Variants in L2HGDH observed in about 807,000 individuals in gnomAD.
The protein encoded by L2HGDH is L-2-hydroxyglutarate dehydrogenase, also known as L-2-hydroxyglutarate dehydrogenase, mitochondrial.
A neutral mutation model predicts 51.5 loss-of-function variants in L2HGDH; 34 were observed. That is an observed-to-expected ratio of 0.66 (90% CI 0.50 to 0.88). The LOEUF (loss-of-function observed/expected upper bound fraction) is 0.88, where lower values mean the gene tolerates loss of function less well. L2HGDH is among the 40% of genes least tolerant of loss of function. The pLI, the probability that L2HGDH is intolerant of heterozygous loss-of-function variation, is 0.00. For missense variants in L2HGDH, 558 were observed against 571.9 expected (o/e 0.98, Z 0.25); for synonymous variants, 198 against 197.9 (o/e 1.00, Z -0.01).
intron 6 of L2HGDH, among the ~76,000 whole-genome samples, chr14:50,271,793 C>G (rs572589256): frequency 1.3e-5 from 2 of 152,284 alleles, no homozygotes; most frequent in African/African-American, 4.8e-5. Flanking sequence ...TCCCCCCTCC[C>G]CATATCCAAT....
At chr14:50,278,086 C>A (rs1336670995) in intron 6 of L2HGDH, among the ~76,000 whole-genome samples, 1 of 152,166 alleles carries the variant, frequency 6.6e-6, no homozygotes, top group Non-Finnish European at 1.5e-5. Context: ...ATGCAGCGAA[C>A]CTACAGGGAA....
intron 9 of L2HGDH, among the ~76,000 whole-genome samples, chr14:50,248,638 A>C (rs1273661059): frequency 6.6e-6 from 1 of 152,234 alleles, no homozygotes; most frequent in Non-Finnish European, 1.5e-5. Flanking sequence ...TTGTATGATA[A>C]AGATAAGTGA....
intron 3 of L2HGDH, among the ~76,000 whole-genome samples, chr14:50,296,893 G>A (rs1175014708): frequency 6.6e-6 from 1 of 152,068 alleles, no homozygotes; most frequent in Admixed American, 6.6e-5. Context: ...TAAACTGAAT[G>A]CAGCAACATA....
At chr14:50,279,556 T>G (rs1890146309) in intron 5 of L2HGDH, among the ~76,000 whole-genome samples, 1 of 152,104 alleles carries the variant, frequency 6.6e-6, no homozygotes. Flanking sequence ...ATTTGCATTT[T>G]GGGCCAAGCA....
intron 3 of L2HGDH, among the ~76,000 whole-genome samples, chr14:50,299,686 G>A (rs181130823): frequency 2.6e-5 from 4 of 152,248 alleles, no homozygotes; most frequent in Admixed American, 6.5e-5. Flanking sequence ...AATCAATCAA[G>A]GTGACACATC....
At position 50,242,818 on chromosome 14, in the gene L2HGDH, A is replaced by AT; in HGVS notation, c.*4239_*4240insA. ...TCTTTAGATAATAGTGTATGCGCAGAAAGATGAGGAAACCTCTGACCAAGA... is the reference window on the plus strand; with the variant it reads ...TCTTTAGATAATAGTGTATGCGCAGATAAGATGAGGAAACCTCTGACCAAGA... On this transcript the variant is annotated 3_prime_UTR_variant, in exon 10 of 10. Coordinates refer to ENST00000267436, the MANE Select transcript of L2HGDH (RefSeq NM_024884.3). 2 of 985,446 alleles carry AT rather than the reference A, an allele frequency of 2.0e-6. No individual in the cohort carries two copies. Among genetic ancestry groups the AT allele is most frequent in the Non-Finnish European group, 2.4e-6 (2 of 829,928 alleles). The allele number at this position is 985,446 out of a possible 1,614,324, so 61.0% of individuals were successfully genotyped here.
intron 1 of L2HGDH, among the ~76,000 whole-genome samples, chr14:50,303,439 C>A (rs965346349): frequency 2.1e-5 from 3 of 143,460 alleles, no homozygotes; most frequent in African/African-American, 7.9e-5. Context: ...GGGCCCTGTG[C>A]TGTTTGGTTT....
At position 50,247,224 on chromosome 14, in the gene L2HGDH, A is replaced by G. The variant is rs1298001858; in HGVS notation, c.1226T>C (p.Leu409Pro). Reference protein sequence around the residue: ...RGPAGVRAQALDRDGNLVEDF... With the variant: ...RGPAGVRAQAPDRDGNLVEDF... ...TTCTACCAGATTTCCATCTCTATCC[A>G]GGGCCTGGGCTCTTACTCCAGCTGG... The change falls in exon 10 of 10, where the codon CTG becomes CCG. Residue 409 changes from leucine to proline, a missense_variant. By Grantham distance (98) the Leu-to-Pro change is moderately conservative (BLOSUM62 -3). Around this residue, in one of 3 missense-constraint regions of L2HGDH, gnomAD observed 321 missense variants for 311.8 expected, o/e 1.03. Coordinates refer to ENST00000267436, the MANE Select transcript of L2HGDH (RefSeq NM_024884.3). 1 of 1,614,008 alleles carries G rather than the reference A, an allele frequency of 6.2e-7. No homozygotes were observed. Among genetic ancestry groups the G allele is most frequent in the African/African-American group, 1.3e-5 (1 of 75,048 alleles).
chr14:50,253,706 A>C (rs1366993600), intron 9 of L2HGDH, among the ~76,000 whole-genome samples: 1 of 152,172 alleles, frequency 6.6e-6, no homozygotes, highest in Non-Finnish European at 1.5e-5. Context: ...AAAGGAAATC[A>C]GTGTATCAAA....
At chr14:50,286,424 C>G (rs117011774) in intron 4 of L2HGDH, among the ~76,000 whole-genome samples, 1 of 152,094 alleles carries the variant, frequency 6.6e-6, no homozygotes, top group Non-Finnish European at 1.5e-5. Context: ...TTTCCAAGGG[C>G]CTCTCCCCGA....
rs1012681258 is a variant in L2HGDH at position 50,244,987 on chromosome 14, C to T, written c.*2071G>A. On this transcript the variant is annotated 3_prime_UTR_variant, in exon 10 of 10. Transcript: ENST00000267436. ...CATTTTCATTTACAATTTCTATTTT[C>T]TAACTTTCTAAATTATAAGAATAAT... 19 of 985,200 alleles carry T rather than the reference C, an allele frequency of 1.9e-5. No homozygotes were observed. The African/African-American group carries it at 3.1e-4, about 16-fold the overall frequency. 61.0% of individuals were successfully genotyped at this position (985,200 alleles called of 1,614,324 possible). A position where few individuals can be genotyped will look rare whatever the true frequency, so the allele number is the denominator to read the frequency against.
chr14:50,244,410 ATT>A lies in L2HGDH; in HGVS notation c.*2646_*2647del. Reference sequence around the variant, plus strand: ...GAGGACTGCTTCAATTAGGACAATCATTTTTTGTAATTCAATGTTTACAACTT... The same window carrying A: ...GAGGACTGCTTCAATTAGGACAATCATTTTGTAATTCAATGTTTACAACTT... On this transcript the variant is annotated 3_prime_UTR_variant, in exon 10 of 10. Coordinates refer to ENST00000267436, the MANE Select transcript of L2HGDH (RefSeq NM_024884.3). The A allele has an allele frequency of 1.0e-6, 1 of 985,364 alleles. No homozygotes were observed. Among genetic ancestry groups the A allele is most frequent in the Non-Finnish European group, 1.2e-6 (1 of 829,888 alleles). The allele number at this position is 985,364 out of a possible 1,614,324, so 61.0% of individuals were successfully genotyped here. A position where few individuals can be genotyped will look rare whatever the true frequency, so the allele number is the denominator to read the frequency against.
chr14:50,271,568 C>T (rs1441368936), intron 6 of L2HGDH, among the ~76,000 whole-genome samples: 1 of 152,108 alleles, frequency 6.6e-6, no homozygotes, highest in African/African-American at 2.4e-5. Context: ...AGGCTTGGCA[C>T]GGTGGCTCAC....
At chr14:50,280,837 C>T (rs1360268650) in intron 5 of L2HGDH, among the ~76,000 whole-genome samples, 1 of 151,662 alleles carries the variant, frequency 6.6e-6, no homozygotes, top group East Asian at 2.0e-4. Flanking sequence ...TTTTTTGAGA[C>T]AAGGTCTCAC....
chr14:50,242,856 G>A lies in L2HGDH; in HGVS notation c.*4202C>T. The A allele has an allele frequency of 3.0e-6, 3 of 985,426 alleles. No individual in the cohort carries two copies. The highest frequency in any genetic ancestry group is 3.6e-6 in the Non-Finnish European group (3 of 829,932). 61.0% of individuals were successfully genotyped at this position (985,426 alleles called of 1,614,324 possible). ...CCTCTGACCAAGAAGTCTAGACACA[G>A]ATTAAGGGCCCAGGAGGGCAGAGCC... On this transcript the variant is annotated 3_prime_UTR_variant, in exon 10 of 10. Transcript: ENST00000267436.
Position 50,244,765 on chromosome 14 carries a change from A to T in L2HGDH, c.*2293T>A, listed in dbSNP as rs1887926974. 1.0e-6 allele frequency: 1 copy of T among 985,292 alleles called. No homozygotes were observed. The highest frequency in any genetic ancestry group is 1.2e-6 in the Non-Finnish European group (1 of 829,918). The allele number at this position is 985,292 out of a possible 1,614,324, so 61.0% of individuals were successfully genotyped here. The stretch of plus-strand genomic sequence containing the variant: ...CAATGCTTGAAGTGAGGGGAAAAGG[A>T]AGAAAACAGAAACATTTTTCCTATC... On this transcript the variant is annotated 3_prime_UTR_variant, in exon 10 of 10. Coordinates refer to ENST00000267436, the MANE Select transcript of L2HGDH (RefSeq NM_024884.3).
intron 5 of L2HGDH, among the ~76,000 whole-genome samples, chr14:50,280,422 TC>T (rs1890203089): frequency 6.6e-6 from 1 of 152,158 alleles, no homozygotes; most frequent in Non-Finnish European, 1.5e-5. Flanking sequence ...TGCCTTGGCT[TC>T]CCAAAGTGTG....
At chr14:50,307,487 G>A (rs979777886) in intron 1 of L2HGDH, among the ~76,000 whole-genome samples, 1 of 152,162 alleles carries the variant, frequency 6.6e-6, no homozygotes, top group East Asian at 1.9e-4. Context: ...AGCTAACCAC[G>A]GAGGCTGAAA....
At position 50,246,876 on chromosome 14, in the gene L2HGDH, C is replaced by T; in HGVS notation, c.*182G>A. 1.8e-6 allele frequency: 2 copies of T among 1,089,494 alleles called. No individual in the cohort carries two copies. Among genetic ancestry groups the T allele is most frequent in the South Asian group, 3.5e-5 (2 of 57,590 alleles). The allele number at this position is 1,089,494 out of a possible 1,614,324, so 67.5% of individuals were successfully genotyped here. A position where few individuals can be genotyped will look rare whatever the true frequency, so the allele number is the denominator to read the frequency against. Reference sequence around the variant, plus strand: ...TAGCTGAGATTACAGGCATGCGCCACCATGCCTGGCTAATTTTTGTAGAAA... The same window carrying T: ...TAGCTGAGATTACAGGCATGCGCCATCATGCCTGGCTAATTTTTGTAGAAA... On this transcript the variant is annotated 3_prime_UTR_variant, in exon 10 of 10. Transcript: ENST00000267436.
Sources: allele counts gnomAD v4.1 joint callset (sites outside exome capture counted in the v4.1 genomes callset), GRCh38; gene constraint gnomAD v4.1.1; regional missense constraint gnomAD v4.1.1; transcripts MANE v1.5; gene names NCBI Gene and HGNC (gene_info 2026-07-23, HGNC 2026-07-21).